Variants in NUDT3 observed in about 807,000 individuals in gnomAD.
The protein encoded by NUDT3 is nudix hydrolase 3, also known as diphosphoinositol polyphosphate phosphohydrolase 1.
NUDT3 carries 9 observed loss-of-function variants against 23.6 expected under a neutral mutation model. That is an observed-to-expected ratio of 0.38 (90% CI 0.23 to 0.66). The LOEUF is 0.66. NUDT3 is among the 30% of genes least tolerant of loss of function. NUDT3 has a pLI of 0.52. For missense variants in NUDT3, 172 were observed against 218.5 expected, an observed-to-expected ratio of 0.79 and a Z score of 1.34; for synonymous variants, 86 against 82.6, an observed-to-expected ratio of 1.04 and a Z score of -0.22.
At chr6:34,351,451 A>AGGC (rs1764474852) in intron 1 of NUDT3, among the ~76,000 whole-genome samples, 1 of 137,278 alleles carries the variant, frequency 7.3e-6, no homozygotes, top group African/African-American at 2.8e-5. Context: ...AAAAAAAAAA[A>AGGC]AATTAGAGGG....
intron 2 of NUDT3, among the ~76,000 whole-genome samples, chr6:34,325,302 G>C (rs1764008730): frequency 6.6e-6 from 1 of 152,012 alleles, no homozygotes; most frequent in South Asian, 2.1e-4. Context: ...TCAAACTCCT[G>C]GGCTTAAGCG....
intron 1 of NUDT3, among the ~76,000 whole-genome samples, chr6:34,373,444 T>C (rs1346061174): frequency 1.3e-5 from 2 of 150,134 alleles, no homozygotes; most frequent in East Asian, 2.0e-4. Flanking sequence ...TCATAAATAA[T>C]TGTAGGCCTA....
intron 1 of NUDT3, among the ~76,000 whole-genome samples, chr6:34,347,265 C>T (rs533227761): frequency 4.0e-4 from 61 of 152,320 alleles, no homozygotes; most frequent in African/African-American, 1.1e-3. Flanking sequence ...ACTCAACAAA[C>T]GTTCATTAAG....
chr6:34,382,028 A>G lies in NUDT3; in HGVS notation c.99+10236T>C, dbSNP rs147792467. 8.7e-3 allele frequency among the ~76,000 whole-genome samples: 1,272 copies of G among 145,520 alleles called. 14 individuals carry two copies. The highest frequency in any genetic ancestry group is 0.024 in the Middle Eastern group (7 of 288). ...ACGGGGGTTGCAGCGAGCCAAGATC[A>G]CACCACTGCACTCCAGCCTGAGCGA... On this transcript the variant is annotated intron_variant, in intron 1 of 4. Coordinates refer to ENST00000607016, the MANE Select transcript of NUDT3 (RefSeq NM_006703.4).
chr6:34,358,314 T>C (rs1047304085), intron 1 of NUDT3, among the ~76,000 whole-genome samples: 1 of 151,428 alleles, frequency 6.6e-6, no homozygotes, highest in African/African-American at 2.4e-5. Flanking sequence ...TCTACAGGAA[T>C]CAAGTTGAAT....
intron 1 of NUDT3, among the ~76,000 whole-genome samples, chr6:34,390,180 T>C (rs1581907888): frequency 6.8e-6 from 1 of 148,076 alleles, no homozygotes; most frequent in African/African-American, 2.5e-5. Context: ...AATAAAATTT[T>C]AAAAATAAAA....
intron 1 of NUDT3, among the ~76,000 whole-genome samples, chr6:34,361,892 A>T (rs1581890544): frequency 6.6e-6 from 1 of 152,172 alleles, no homozygotes; most frequent in Non-Finnish European, 1.5e-5. Flanking sequence ...AAGAACAGAG[A>T]ATTTTTAGGG....
At chr6:34,322,285 C>T (rs563635901) in intron 2 of NUDT3, among the ~76,000 whole-genome samples, 2 of 151,502 alleles carry the variant, frequency 1.3e-5, no homozygotes, top group Admixed American at 1.3e-4. Context: ...GGCTGGAGTG[C>T]AGTGGCACGA....
chr6:34,374,534 A>AT (rs201798164), intron 1 of NUDT3, among the ~76,000 whole-genome samples: 22 of 148,688 alleles, frequency 1.5e-4, no homozygotes, highest in Admixed American at 2.0e-4. Flanking sequence ...TCAGCATCTG[A>AT]TTTTTTTTTT....
At chr6:34,361,893 A>G (rs1343985668) in intron 1 of NUDT3, among the ~76,000 whole-genome samples, 1 of 152,194 alleles carries the variant, frequency 6.6e-6, no homozygotes, top group Non-Finnish European at 1.5e-5. Context: ...AGAACAGAGA[A>G]TTTTTAGGGC....
intron 2 of NUDT3, among the ~76,000 whole-genome samples, chr6:34,337,034 T>A (rs889705430): frequency 2.6e-5 from 4 of 152,230 alleles, no homozygotes; most frequent in African/African-American, 9.6e-5. Context: ...TAATTCTCTG[T>A]TGATAAAACT....
chr6:34,380,356 T>G (rs1764993945), intron 1 of NUDT3, among the ~76,000 whole-genome samples: 1 of 152,030 alleles, frequency 6.6e-6, no homozygotes, highest in Non-Finnish European at 1.5e-5. Flanking sequence ...CCAGCCCTAT[T>G]TATTTTTTTT....
In NUDT3 at chr6:34,281,037, T is replaced by C. The variant is rs1359792764; in HGVS notation, c.*7716A>G. On this transcript the variant is annotated 3_prime_UTR_variant, in exon 5 of 5. Transcript: ENST00000607016. ...TTTGTTGAACTTGGCCAAGAGGAGA[T>C]TGTATATGGATGGCACACCTGGAAA... 1 of 152,162 alleles carries C rather than the reference T, an allele frequency of 6.6e-6. No homozygotes were observed. The highest frequency in any genetic ancestry group is 1.5e-5 in the Non-Finnish European group (1 of 68,026). The allele number at this position is 152,162 out of a possible 1,614,324, so 9.4% of individuals were successfully genotyped here. A position where few individuals can be genotyped will look rare whatever the true frequency, so the allele number is the denominator to read the frequency against.
At position 34,392,601 on chromosome 6, in the gene NUDT3, G is replaced by T; in HGVS notation, c.-239C>A. On this transcript the variant is annotated 5_prime_UTR_variant, in exon 1 of 5. Transcript: ENST00000607016. ...CGTCTCCGCTGCCGCCAGGGCCGCC[G>T]CCCCCTCTGCCGCCGCCACCCCCGA... is the stretch of plus-strand genomic sequence containing the variant. 3.4e-6 allele frequency: 1 copy of T among 294,636 alleles called. No individual in the cohort carries two copies. The highest frequency in any genetic ancestry group is 6.2e-6 in the Non-Finnish European group (1 of 160,032). 18.3% of individuals were successfully genotyped at this position (294,636 alleles called of 1,614,324 possible).
At chr6:34,341,552 C>G (rs1032786047) in intron 2 of NUDT3, among the ~76,000 whole-genome samples, 2 of 152,124 alleles carry the variant, frequency 1.3e-5, no homozygotes, top group Non-Finnish European at 2.9e-5. Flanking sequence ...TCCTCTTACT[C>G]CTTAGAGGTC....
At chr6:34,391,403 T>A (rs187119578) in intron 1 of NUDT3, among the ~76,000 whole-genome samples, 1 of 152,192 alleles carries the variant, frequency 6.6e-6, no homozygotes, top group African/African-American at 2.4e-5. Context: ...ACAAAACATG[T>A]GCTTCTCTGA....
rs1763294280 is a variant in NUDT3, at chr6:34,282,939, T to G, written c.*5814A>C. ...CCACCTTCTAGATAGTAATCTTACTTTTGTTGGCTAAAAGCACTTTCTTCA... is the reference window on the plus strand; with the variant it reads ...CCACCTTCTAGATAGTAATCTTACTGTTGTTGGCTAAAAGCACTTTCTTCA... On this transcript the variant is annotated 3_prime_UTR_variant, in exon 5 of 5. Coordinates refer to ENST00000607016, the MANE Select transcript of NUDT3 (RefSeq NM_006703.4). 1 of 152,172 alleles carries G rather than the reference T, an allele frequency of 6.6e-6. No homozygotes were observed. Among genetic ancestry groups the G allele is most frequent in the Admixed American group, 6.5e-5 (1 of 15,276 alleles). 9.4% of individuals were successfully genotyped at this position (152,172 alleles called of 1,614,324 possible). A position where few individuals can be genotyped will look rare whatever the true frequency, so the allele number is the denominator to read the frequency against.
At chr6:34,372,945 G>A (rs1187435099) in intron 1 of NUDT3, among the ~76,000 whole-genome samples, 1 of 149,042 alleles carries the variant, frequency 6.7e-6, no homozygotes, top group African/African-American at 2.5e-5. Context: ...CACTAAATCT[G>A]ACAGGCTTTA....
chr6:34,386,418 C>T (rs188459288), intron 1 of NUDT3, among the ~76,000 whole-genome samples: 69 of 152,246 alleles, frequency 4.5e-4, no homozygotes, highest in Non-Finnish European at 8.1e-4. Flanking sequence ...TCCATCTCTC[C>T]CATTAGACTC....
Sources: allele counts gnomAD v4.1 joint callset (sites outside exome capture counted in the v4.1 genomes callset), GRCh38; gene constraint gnomAD v4.1.1; transcripts MANE v1.5; gene names NCBI Gene and HGNC (gene_info 2026-07-23, HGNC 2026-07-21).